IL1RAPL1: variants seen among roughly 807,000 people sequenced by gnomAD.
IL1RAPL1 encodes the protein interleukin 1 receptor accessory protein like 1.
Under a neutral mutation model 48.4 loss-of-function variants are expected in IL1RAPL1, and 3 were observed. The ratio of observed to expected loss-of-function variants is 0.06; its 90% CI spans 0.03 to 0.16. IL1RAPL1 has a LOEUF of 0.16. Ranked by LOEUF, IL1RAPL1 falls within the 10% of genes least tolerant of loss-of-function variation. IL1RAPL1 has a pLI of 1.00. For missense variants in IL1RAPL1, 349 were observed against 530.6 expected, an observed-to-expected ratio of 0.66 and a Z score of 3.36; for synonymous variants, 185 against 187.7, an observed-to-expected ratio of 0.99 and a Z score of 0.12.
intron 1 of IL1RAPL1, among the ~76,000 whole-genome samples, chrX:28,749,686 C>G (rs181385938): frequency 9.0e-6 from 1 of 111,001 alleles, no homozygotes; most frequent in East Asian, 2.8e-4. Context: ...CAAATATTTC[C>G]TCCCATTTTG....
chrX:29,441,073 C>T (rs1312467076), intron 5 of IL1RAPL1, among the ~76,000 whole-genome samples: 2 of 110,591 alleles, frequency 1.8e-5, no homozygotes, highest in Non-Finnish European at 3.8e-5. Context: ...CTGTTATTAT[C>T]TACTTTTTAC....
chrX:29,775,152 A>G (rs139721887), intron 6 of IL1RAPL1, among the ~76,000 whole-genome samples: 8 of 111,623 alleles, frequency 7.2e-5, no homozygotes, highest in East Asian at 5.7e-4. Flanking sequence ...TGAGCTTGAG[A>G]GAGTCGTTAT....
At chrX:28,625,434 G>C (rs927744615) in intron 1 of IL1RAPL1, among the ~76,000 whole-genome samples, 1 of 112,024 alleles carries the variant, frequency 8.9e-6, no homozygotes, top group African/African-American at 3.2e-5. Flanking sequence ...ATATTTGTAA[G>C]GCAGAAGGCC....
chrX:29,329,662 A>C (rs911449472), intron 3 of IL1RAPL1, among the ~76,000 whole-genome samples: 3 of 109,448 alleles, frequency 2.7e-5, no homozygotes, highest in Non-Finnish European at 5.7e-5. Context: ...AAAATACAAA[A>C]ATTAGCCGGT....
At chrX:29,230,504 CAA>C (rs60539139) in intron 2 of IL1RAPL1, among the ~76,000 whole-genome samples, 6 of 16,595 alleles carry the variant, frequency 3.6e-4, no homozygotes, top group Admixed American at 1.2e-3. Flanking sequence ...GTCCCTTTAC[CAA>C]AAAAAAAAAA....
At chrX:29,552,802 C>CCTTTTTTTTT (rs766024975) in intron 5 of IL1RAPL1, among the ~76,000 whole-genome samples, 4 of 22,987 alleles carry the variant, frequency 1.7e-4, no homozygotes, top group Non-Finnish European at 3.0e-4. Context: ...TTTCACTCTC[C>CCTTTTTTTTT]TTTTTTTTTT....
At chrX:28,734,110 C>T (rs983154613) in intron 1 of IL1RAPL1, among the ~76,000 whole-genome samples, 2 of 111,466 alleles carry the variant, frequency 1.8e-5, no homozygotes, top group African/African-American at 6.5e-5. Context: ...TTTCTTACCA[C>T]CTCTGCTGCT....
intron 2 of IL1RAPL1, among the ~76,000 whole-genome samples, chrX:29,192,932 A>AC (rs1248901796): frequency 9.0e-6 from 1 of 111,130 alleles, no homozygotes; most frequent in African/African-American, 3.3e-5. Flanking sequence ...CATAATATTA[A>AC]CAATAGCGTT....
intron 2 of IL1RAPL1, among the ~76,000 whole-genome samples, chrX:28,889,892 A>G (rs1032249065): frequency 9.0e-6 from 1 of 111,183 alleles, no homozygotes; most frequent in Non-Finnish European, 1.9e-5. Context: ...TCCCACCGTT[A>G]TAAATCCTCT....
intron 5 of IL1RAPL1, among the ~76,000 whole-genome samples, chrX:29,645,333 A>G (rs1925287407): frequency 9.0e-6 from 1 of 111,689 alleles, no homozygotes; most frequent in Non-Finnish European, 1.9e-5. Context: ...GCACTAGGTT[A>G]TAGTGTAATG....
chrX:29,823,182 C>G (rs1930658091), intron 6 of IL1RAPL1, among the ~76,000 whole-genome samples: 1 of 111,486 alleles, frequency 9.0e-6, no homozygotes. Context: ...GAAGATTAAT[C>G]TAGCCGCAGT....
chrX:29,145,683 G>A (rs1929337135), intron 2 of IL1RAPL1, among the ~76,000 whole-genome samples: 1 of 111,767 alleles, frequency 8.9e-6, no homozygotes, highest in South Asian at 3.7e-4. Flanking sequence ...TCACGTGGTG[G>A]AAAGCTCTGG....
In IL1RAPL1 at chrX:28,949,942, A is replaced by C. The variant is rs1924408923; in HGVS notation, c.82+160517A>C. Reference sequence around the variant, plus strand: ...TTGCTGTGCAGAAGCTCTTTAGTTTAATTAGATCCCATTTGTCAATTTTGT... The same window carrying C: ...TTGCTGTGCAGAAGCTCTTTAGTTTCATTAGATCCCATTTGTCAATTTTGT... On this transcript the variant is annotated intron_variant, in intron 2 of 10. Transcript: ENST00000378993. Among the ~76,000 whole-genome samples, 6 of 110,262 alleles carry C rather than the reference A, an allele frequency of 5.4e-5. No homozygotes were observed. In the South Asian group the frequency reaches 2.3e-3, roughly 43 times the overall value.
chrX:28,718,890 T>C (rs903021619), intron 1 of IL1RAPL1, among the ~76,000 whole-genome samples: 7 of 111,406 alleles, frequency 6.3e-5, no homozygotes, highest in Non-Finnish European at 1.1e-4. Context: ...TCTTATTTGG[T>C]CCCACCAGTT....
intron 1 of IL1RAPL1, among the ~76,000 whole-genome samples, chrX:28,786,164 A>G (rs1300500217): frequency 1.8e-5 from 2 of 111,866 alleles, no homozygotes; most frequent in Non-Finnish European, 3.8e-5. Context: ...AAAAGTAATA[A>G]CAATTAACTG....
At chrX:29,891,582 G>A (rs184272354) in intron 6 of IL1RAPL1, among the ~76,000 whole-genome samples, 69 of 111,605 alleles carry the variant, frequency 6.2e-4, no homozygotes, top group African/African-American at 2.1e-3. Flanking sequence ...GTTTTAGCAA[G>A]AAAGATGCTG....
intron 2 of IL1RAPL1, among the ~76,000 whole-genome samples, chrX:28,891,783 A>G (rs943239083): frequency 3.6e-5 from 4 of 109,897 alleles, no homozygotes; most frequent in Non-Finnish European, 7.6e-5. Context: ...TTGTGTTTAA[A>G]GTATTGAGGA....
At chrX:29,694,726 T>G (rs1017583668) in intron 6 of IL1RAPL1, among the ~76,000 whole-genome samples, 1 of 111,628 alleles carries the variant, frequency 9.0e-6, no homozygotes, top group Non-Finnish European at 1.9e-5. Context: ...ATAAGGGAAT[T>G]AATTGCATTC....
At chrX:29,486,513 A>G (rs758399187) in intron 5 of IL1RAPL1, among the ~76,000 whole-genome samples, 18 of 108,295 alleles carry the variant, frequency 1.7e-4, no homozygotes, top group African/African-American at 5.1e-4. Context: ...TGAAAAATAC[A>G]TAAAAGGGGA....
Sources: allele counts gnomAD v4.1 joint callset (sites outside exome capture counted in the v4.1 genomes callset), GRCh38; gene constraint gnomAD v4.1.1; transcripts MANE v1.5; gene names NCBI Gene and HGNC (gene_info 2026-07-23, HGNC 2026-07-21).